Variants in RUNX1T1 observed in about 807,000 individuals in gnomAD.
The protein encoded by RUNX1T1 is protein CBFA2T1.
A neutral mutation model predicts 62.8 loss-of-function variants in RUNX1T1; 4 were observed. The ratio of observed to expected loss-of-function variants is 0.06; its 90% CI spans 0.03 to 0.15. RUNX1T1 has a LOEUF of 0.15. Among genes scored for constraint, RUNX1T1 ranks in the 10% least tolerant of loss-of-function variants. The pLI is 1.00. For synonymous variants in RUNX1T1, 291 were observed against 286.0 expected (o/e 1.02, Z -0.18); for missense variants, 508 against 754.3 (o/e 0.67, Z 3.82).
intron 8 of RUNX1T1, among the ~76,000 whole-genome samples, chr8:91,985,583 T>C (rs919149834): frequency 7.2e-5 from 11 of 152,138 alleles, no homozygotes; most frequent in African/African-American, 2.2e-4. Flanking sequence ...AGGCAAAATA[T>C]ATAGCTTCTA....
At chr8:91,983,698 A>G (rs1250210963) in intron 8 of RUNX1T1, among the ~76,000 whole-genome samples, 1 of 152,220 alleles carries the variant, frequency 6.6e-6, no homozygotes, top group Non-Finnish European at 1.5e-5. Context: ...TTTATCAGCC[A>G]ATAATCTCCA....
At chr8:91,956,436 C>T (rs990944821), downstream of RUNX1T1, 3 of 228,640 alleles carry the variant, frequency 1.3e-5, no homozygotes, top group African/African-American at 6.7e-5. Flanking sequence ...GGATGGACTC[C>T]TCAGGCTGGG....
upstream of RUNX1T1, among the ~76,000 whole-genome samples, chr8:92,099,949 C>T (rs1837961626): frequency 6.6e-6 from 1 of 152,076 alleles, no homozygotes; most frequent in Non-Finnish European, 1.5e-5. Context: ...TTATGAAGTG[C>T]TCTTTTATCT....
chr8:92,053,571 T>C (rs1027575924), intron 1 of RUNX1T1, among the ~76,000 whole-genome samples: 11 of 152,234 alleles, frequency 7.2e-5, no homozygotes, highest in Admixed American at 5.2e-4. Flanking sequence ...AATTTTAACA[T>C]GCAGCTAGCC....
chr8:91,993,564 G>A (rs1412288674), intron 5 of RUNX1T1, among the ~76,000 whole-genome samples: 1 of 152,072 alleles, frequency 6.6e-6, no homozygotes, highest in Non-Finnish European at 1.5e-5. Flanking sequence ...GGGACTGATA[G>A]GAAACAACAT....
At chr8:91,994,822 C>T (rs1432754340) in intron 5 of RUNX1T1, among the ~76,000 whole-genome samples, 2 of 152,164 alleles carry the variant, frequency 1.3e-5, no homozygotes, top group African/African-American at 2.4e-5. Flanking sequence ...AAAAAGTCTG[C>T]GGCTAAAATC....
intron 6 of RUNX1T1, among the ~76,000 whole-genome samples, chr8:91,988,477 T>C (rs1817017107): frequency 6.6e-6 from 1 of 152,210 alleles, no homozygotes; most frequent in African/African-American, 2.4e-5. Flanking sequence ...TTTGCAAATA[T>C]GTAATTTTTG....
At chr8:91,992,020 C>T (rs1344374430) in intron 5 of RUNX1T1, 131 bp from the exon 7 acceptor site, 2 of 956,866 alleles carry the variant, frequency 2.1e-6, no homozygotes, top group Non-Finnish European at 3.1e-6. Context: ...AACTCAGCTT[C>T]CCAGAAAACA....
chr8:92,033,083 C>T (rs1373260374), intron 1 of RUNX1T1, among the ~76,000 whole-genome samples: 3 of 151,862 alleles, frequency 2.0e-5, no homozygotes, highest in Non-Finnish European at 2.9e-5. Context: ...TCATCAATTG[C>T]CTCTAAATTA....
chr8:91,959,351 G>C, exon 11 of RUNX1T1: 1 of 223,832 alleles, frequency 4.5e-6, no homozygotes, highest in Non-Finnish European at 9.0e-6. Context: ...GGGTTATTTA[G>C]GGCAGCTGGC....
At chr8:92,085,705 A>C (rs1271052683) in intron 1 of RUNX1T1, among the ~76,000 whole-genome samples, 8 of 152,254 alleles carry the variant, frequency 5.3e-5, no homozygotes, top group Non-Finnish European at 7.3e-5. Context: ...TTATCAGACA[A>C]AACAAGATAA....
At chr8:91,986,777 C>A in intron 7 of RUNX1T1, 110 bp downstream of exon 8, 1 of 728,372 alleles carries the variant, frequency 1.4e-6, no homozygotes, top group Non-Finnish European at 2.4e-6. Flanking sequence ...TCAAGGATAG[C>A]AGGAAAAACA....
At chr8:92,007,463 TA>T (rs1231880957) in intron 4 of RUNX1T1, among the ~76,000 whole-genome samples, 2 of 150,940 alleles carry the variant, frequency 1.3e-5, no homozygotes, top group Non-Finnish European at 2.9e-5. Context: ...AGACTCAGTC[TA>T]ATTAAAAAAA....
intron 1 of RUNX1T1, among the ~76,000 whole-genome samples, chr8:92,037,609 G>A (rs1563817558): frequency 6.6e-6 from 1 of 152,122 alleles, no homozygotes; most frequent in Non-Finnish European, 1.5e-5. Context: ...AGACCGGGAG[G>A]TCAAGGCTGC....
intron 9 of RUNX1T1, among the ~76,000 whole-genome samples, chr8:91,971,780 G>A (rs1162406554): frequency 6.6e-6 from 1 of 152,142 alleles, no homozygotes; most frequent in African/African-American, 2.4e-5. Context: ...CTATGAGTCT[G>A]CAAGGTGTCA....
In RUNX1T1 at chr8:92,042,993, C is replaced by T. The variant is rs1430933559; in HGVS notation, c.7+19553G>A. The stretch of plus-strand genomic sequence containing the variant: ...ATGTGAGCTTTCTCACACCTTTCTC[C>T]TGTGTCCCTAATTTGTTCATATCCA... On this transcript the variant is annotated intron_variant, in intron 1 of 10. Coordinates refer to ENST00000396218, the Ensembl canonical transcript of RUNX1T1. Among the ~76,000 whole-genome samples the T allele has an allele frequency of 3.9e-5, 6 of 152,290 alleles. No individual in the cohort carries two copies. The East Asian group carries it at 1.2e-3, about 29-fold the overall frequency.
At chr8:91,994,889 C>G (rs1818377068) in intron 5 of RUNX1T1, among the ~76,000 whole-genome samples, 1 of 152,198 alleles carries the variant, frequency 6.6e-6, no homozygotes, top group South Asian at 2.1e-4. Flanking sequence ...TTTGCAAACT[C>G]TGCAATTCAA....
intron 8 of RUNX1T1, among the ~76,000 whole-genome samples, chr8:91,982,830 C>A (rs1385215121): frequency 6.6e-6 from 1 of 151,196 alleles, no homozygotes; most frequent in African/African-American, 2.4e-5. Flanking sequence ...AATAGAAATA[C>A]CATTATGAAT....
At chr8:92,036,057 TATTAA>T (rs1372977842) in intron 1 of RUNX1T1, among the ~76,000 whole-genome samples, 2 of 152,182 alleles carry the variant, frequency 1.3e-5, no homozygotes, top group Non-Finnish European at 2.9e-5. Flanking sequence ...GTATATATGT[TATTAA>T]ATTAAGATGA....
Sources: gnomAD v4.1 joint callset for allele counts (sites outside exome capture counted in the v4.1 genomes callset) on GRCh38, gnomAD v4.1.1 for gene constraint, MANE v1.5 for transcripts, NCBI Gene and HGNC (gene_info 2026-07-23, HGNC 2026-07-21) for gene names.